The following LHFPL3 variants were observed in gnomAD, a reference collection of about 807,000 sequenced individuals.
LHFPL3 encodes LHFPL tetraspan subfamily member 3 protein.
Under a neutral mutation model 19.3 loss-of-function variants are expected in LHFPL3, and 5 were observed. The observed-to-expected ratio is 0.26, with a 90% CI of 0.14 to 0.54. LHFPL3 has a LOEUF of 0.54. LHFPL3 is among the 20% of genes least tolerant of loss of function. LHFPL3 has a pLI of 0.94. For synonymous variants in LHFPL3, 133 were observed against 126.2 expected, an observed-to-expected ratio of 1.05 and a Z score of -0.36; for missense variants, 249 against 307.4, an observed-to-expected ratio of 0.81 and a Z score of 1.42.
At chr7:104,860,111 C>A (rs1057334718) in intron 2 of LHFPL3, among the ~76,000 whole-genome samples, 1 of 151,940 alleles carries the variant, frequency 6.6e-6, no homozygotes, top group South Asian at 2.1e-4. Flanking sequence ...CAGTGTTGGA[C>A]TGGGACTTAA....
chr7:104,437,963 T>C (rs1792144275), intron 1 of LHFPL3, among the ~76,000 whole-genome samples: 1 of 152,220 alleles, frequency 6.6e-6, no homozygotes, highest in Non-Finnish European at 1.5e-5. Flanking sequence ...AATCATGGTT[T>C]GGTCCTTCTG....
intron 1 of LHFPL3, among the ~76,000 whole-genome samples, chr7:104,615,084 C>A (rs545739214): frequency 6.6e-6 from 1 of 152,000 alleles, no homozygotes; most frequent in South Asian, 2.1e-4. Context: ...TGATTTTTCC[C>A]CTTGATAAGT....
intron 1 of LHFPL3, among the ~76,000 whole-genome samples, chr7:104,604,389 G>A (rs1178211091): frequency 6.6e-6 from 1 of 152,172 alleles, no homozygotes; most frequent in African/African-American, 2.4e-5. Context: ...AGAGCTCTGG[G>A]CCTGTGATGG....
chr7:104,430,419 C>CATAT (rs1457442187), intron 1 of LHFPL3, among the ~76,000 whole-genome samples: 177 of 14,520 alleles, frequency 0.012, 3 homozygotes, highest in Non-Finnish European at 0.017. Context: ...TATATATATA[C>CATAT]ATATATATAT....
chr7:104,868,168 C>T (rs902408104), intron 2 of LHFPL3, among the ~76,000 whole-genome samples: 3 of 152,086 alleles, frequency 2.0e-5, no homozygotes, highest in African/African-American at 7.2e-5. Flanking sequence ...AAAACTGGCA[C>T]AAGACAGGGA....
Position 104,862,148 on chromosome 7 carries a change from G to GCCA in LHFPL3, c.683-44036_683-44034dup, listed in dbSNP as rs750067941. On this transcript the variant is annotated intron_variant, in intron 2 of 2. Coordinates refer to ENST00000424859, the MANE Select transcript of LHFPL3 (RefSeq NM_199000.3). ...GATTAAAAAAAAATACCCTCCAAAT[G>GCCA]CCACCTTCTTTGAGTTTAAGCCTCA... Among the ~76,000 whole-genome samples the GCCA allele has an allele frequency of 1.4e-4, 21 of 152,092 alleles. No homozygotes were observed. In the East Asian group the frequency reaches 4.1e-3, roughly 29 times the overall value.
At chr7:104,532,318 CTTTT>C (rs71155504) in intron 1 of LHFPL3, among the ~76,000 whole-genome samples, 1 of 87,224 alleles carries the variant, frequency 1.1e-5, no homozygotes, top group Non-Finnish European at 2.1e-5. Flanking sequence ...TTCTTTCTGT[CTTTT>C]TTTTTTTTTT....
chr7:104,704,526 T>C (rs1370364362), intron 1 of LHFPL3, among the ~76,000 whole-genome samples: 2 of 60,406 alleles, frequency 3.3e-5, no homozygotes, highest in African/African-American at 1.2e-4. Flanking sequence ...ATAGAGTACT[T>C]TTTTTTTTTT....
intron 2 of LHFPL3, among the ~76,000 whole-genome samples, chr7:104,740,045 T>C (rs935991606): frequency 1.3e-5 from 2 of 152,198 alleles, no homozygotes; most frequent in African/African-American, 2.4e-5. Context: ...GTTCTCATGA[T>C]AGCGAGTAAT....
chr7:104,328,786 G>A lies in LHFPL3; in HGVS notation c.7G>A (p.Gly3Arg). 6.9e-6 allele frequency: 11 copies of A among 1,592,020 alleles called. No homozygotes were observed. Among genetic ancestry groups the A allele is most frequent in the Non-Finnish European group, 9.4e-6 (11 of 1,169,878 alleles). Reference protein sequence around the residue: MPGAAAAAAAAAA... With the variant: MPRAAAAAAAAAA... The stretch of plus-strand genomic sequence containing the variant: ...GAGGAGGAGGAGGGGGAGAATGCCC[G>A]GAGCCGCCGCCGCTGCCGCCGCCGC... The change falls in exon 1 of 3, where the codon GGA becomes AGA. Residue 3 changes from glycine (G) to arginine (R), a missense_variant. Physicochemically the swap from Gly to Arg is moderately radical, Grantham distance 125. Transcript: ENST00000424859. This position sits in a 1 kb window ranked among gnomAD's most constrained non-coding sequence, Gnocchi z 4.6.
At chr7:104,868,257 G>T (rs200592116) in intron 2 of LHFPL3, among the ~76,000 whole-genome samples, 28,402 of 151,806 alleles carry the variant, frequency 0.19, 2,903 homozygotes, top group East Asian at 0.37. Context: ...GGAAATAAAG[G>T]GTATTCAATT....
chr7:104,521,753 AG>A (rs1794068238), intron 1 of LHFPL3, among the ~76,000 whole-genome samples: 1 of 152,254 alleles, frequency 6.6e-6, no homozygotes, highest in Non-Finnish European at 1.5e-5. Flanking sequence ...TCTCAAAAGA[AG>A]ACATTTATGT....
chr7:104,756,859 TATTAAGCAGAG>T, intron 2 of LHFPL3, among the ~76,000 whole-genome samples: 1 of 152,324 alleles, frequency 6.6e-6, no homozygotes, highest in South Asian at 2.1e-4. Context: ...TTGCTTTGAA[TATTAAGCAGAG>T]ATTCTGACAA....
chr7:104,660,206 T>C (rs1245234403), intron 1 of LHFPL3, among the ~76,000 whole-genome samples: 1 of 152,208 alleles, frequency 6.6e-6, no homozygotes, highest in Non-Finnish European at 1.5e-5. Flanking sequence ...TTTCACCATG[T>C]TAGCCAGGAT....
intron 1 of LHFPL3, among the ~76,000 whole-genome samples, chr7:104,418,517 G>A (rs1167540508): frequency 6.6e-6 from 1 of 152,176 alleles, no homozygotes; most frequent in African/African-American, 2.4e-5. Flanking sequence ...GGGCAACAGA[G>A]TGAGACCCTG....
chr7:104,730,979 C>G (rs1009331291), intron 1 of LHFPL3, among the ~76,000 whole-genome samples: 1 of 152,146 alleles, frequency 6.6e-6, no homozygotes, highest in African/African-American at 2.4e-5. Flanking sequence ...GCCAGTTTTC[C>G]CAGCACCGTT....
In LHFPL3 at chr7:104,752,937, A is replaced by T. The variant is rs1584515494; in HGVS notation, c.682+16026A>T. ...TATCTTACATCAGTGTGGTCCAGTT[A>T]TTACAACTGATGAACTGATATTGAC... On this transcript the variant is annotated intron_variant, in intron 2 of 2. Coordinates refer to ENST00000424859, the MANE Select transcript of LHFPL3 (RefSeq NM_199000.3). The T allele has an allele frequency of 2.7e-5, 9 of 333,536 alleles. 1 individual carries two copies. The East Asian group carries it at 4.0e-4, about 15-fold the overall frequency. The allele number at this position is 333,536 out of a possible 1,614,324, so 20.7% of individuals were successfully genotyped here. A position where few individuals can be genotyped will look rare whatever the true frequency, so the allele number is the denominator to read the frequency against.
chr7:104,352,405 T>C (rs540336822), intron 1 of LHFPL3, among the ~76,000 whole-genome samples: 183 of 152,292 alleles, frequency 1.2e-3, no homozygotes, highest in Middle Eastern at 6.8e-3. Flanking sequence ...AAATATTAGC[T>C]ATTTTCATTA....
intron 1 of LHFPL3, among the ~76,000 whole-genome samples, chr7:104,566,421 C>T (rs1346892102): frequency 6.6e-6 from 1 of 152,140 alleles, no homozygotes; most frequent in Non-Finnish European, 1.5e-5. Context: ...TAAAAATACC[C>T]TGACCTCTCC....
Sources: allele counts gnomAD v4.1 joint callset (sites outside exome capture counted in the v4.1 genomes callset), GRCh38; gene constraint gnomAD v4.1.1; non-coding constraint Gnocchi (gnomAD v3.1); transcripts MANE v1.5; gene names NCBI Gene and HGNC (gene_info 2026-07-23, HGNC 2026-07-21).